Variants in ACVR1 observed in about 807,000 individuals in gnomAD.
The protein encoded by ACVR1 is activin A receptor type 1.
A neutral mutation model predicts 57.1 loss-of-function variants in ACVR1; 38 were observed. That is an observed-to-expected ratio of 0.67 (90% CI 0.51 to 0.87). The LOEUF is 0.87. ACVR1 is among the 40% of genes least tolerant of loss of function. The pLI is 0.00. For missense variants in ACVR1, 463 were observed against 638.2 expected (o/e 0.73, Z 2.96); for synonymous variants, 212 against 228.1 (o/e 0.93, Z 0.63).
chr2:157,778,337 A>T lies in ACVR1; in HGVS notation c.337T>A (p.Ser113Thr), dbSNP rs1303422236. 2 of 1,613,188 alleles carry T rather than the reference A, an allele frequency of 1.2e-6. No individual in the cohort carries two copies. The highest frequency in any genetic ancestry group is 1.7e-6 in the Non-Finnish European group (2 of 1,179,540). The change falls in exon 5 of 11, where the codon TCC (serine) becomes ACC (threonine). Residue 113 changes from serine (S) to threonine (T), a missense_variant. Ser to Thr is a moderately conservative substitution (Grantham distance 58). This residue lies in a region of ACVR1 where 203 missense variants were observed against 235.5 expected (regional missense o/e 0.86). Coordinates refer to ENST00000434821, the MANE Select transcript of ACVR1 (RefSeq NM_001111067.4). The part of the protein sequence containing the change: ...ITAQLPTKGK[S>T]FPGTQNFHLE... ...TGGAAATTCTGTGTTCCAGGGAAGG[A>T]TTTTCCTGGAGTTGGAGGGAAAAGG...
chr2:157,824,769 T>G (rs1688281558), intron 1 of ACVR1, among the ~76,000 whole-genome samples: 1 of 152,102 alleles, frequency 6.6e-6, no homozygotes, highest in South Asian at 2.1e-4. Context: ...CTTTTTTTTT[T>G]TTGAGACAGA....
chr2:157,750,918 G>C (rs1356729634), intron 9 of ACVR1, among the ~76,000 whole-genome samples: 1 of 151,946 alleles, frequency 6.6e-6, no homozygotes, highest in Non-Finnish European at 1.5e-5. Flanking sequence ...ATCAAACAGA[G>C]GTTGGGGAAA....
At chr2:157,860,644 A>G (rs1219197558) in intron 1 of ACVR1, among the ~76,000 whole-genome samples, 1 of 152,196 alleles carries the variant, frequency 6.6e-6, no homozygotes, top group African/African-American at 2.4e-5. Flanking sequence ...CTTATACACT[A>G]TTAAGGTTTC....
chr2:157,739,083 A>G (rs1459771744), intron 9 of ACVR1, among the ~76,000 whole-genome samples: 1 of 152,226 alleles, frequency 6.6e-6, no homozygotes, highest in South Asian at 2.1e-4. Context: ...TAAGAAAAAC[A>G]TTGCTATAAA....
At chr2:157,844,404 C>G (rs1351563942) in intron 1 of ACVR1, among the ~76,000 whole-genome samples, 1 of 152,050 alleles carries the variant, frequency 6.6e-6, no homozygotes, top group African/African-American at 2.4e-5. Flanking sequence ...CTTGGCTACT[C>G]CACCATCAGC....
intron 1 of ACVR1, among the ~76,000 whole-genome samples, chr2:157,834,057 G>C (rs1175414783): frequency 3.3e-5 from 5 of 152,126 alleles, no homozygotes; most frequent in African/African-American, 1.2e-4. Context: ...TTCATACAAA[G>C]GGCAGGTCAC....
intron 1 of ACVR1, among the ~76,000 whole-genome samples, chr2:157,865,307 T>C (rs918901446): frequency 6.6e-6 from 1 of 152,188 alleles, no homozygotes; most frequent in African/African-American, 2.4e-5. Flanking sequence ...GACAACAGGC[T>C]AGCATTTGAG....
rs114479659 is a variant in ACVR1 at position 157,795,796 on chromosome 2, G to A, written c.67+3631C>T. Among the ~76,000 whole-genome samples the A allele has an allele frequency of 3.3e-3, 492 of 149,372 alleles. 3 individuals are homozygous for A. Among genetic ancestry groups the A allele is most frequent in the Middle Eastern group, 0.011 (3 of 276 alleles). On this transcript the variant is annotated intron_variant, in intron 3 of 10. Transcript: ENST00000434821. The stretch of plus-strand genomic sequence containing the variant: ...ATTGCTCCATAACTGCCCTTTTTCC[G>A]CCCCACTCTTTTCCCCATTCTCTCT...
At chr2:157,757,684 G>A (rs1276100085) in intron 9 of ACVR1, among the ~76,000 whole-genome samples, 1 of 151,758 alleles carries the variant, frequency 6.6e-6, no homozygotes, top group Non-Finnish European at 1.5e-5. Flanking sequence ...GAAAAATAAG[G>A]TATTTCCCAG....
intron 9 of ACVR1, among the ~76,000 whole-genome samples, chr2:157,755,569 G>A (rs943686472): frequency 9.9e-5 from 13 of 130,960 alleles, no homozygotes; most frequent in African/African-American, 3.4e-4. Flanking sequence ...ATACCATACC[G>A]TACCATACAA....
chr2:157,853,907 CACTT>C, intron 1 of ACVR1, among the ~76,000 whole-genome samples: 1 of 152,216 alleles, frequency 6.6e-6, no homozygotes, highest in East Asian at 1.9e-4. Context: ...TTCAAGTCCT[CACTT>C]AATATCTTCC....
intron 1 of ACVR1, among the ~76,000 whole-genome samples, chr2:157,861,868 T>C (rs1866886): frequency 0.83 from 126,448 of 152,116 alleles, 55,078 homozygotes; most frequent in Non-Finnish European, 0.97. Context: ...AAATTAAAGC[T>C]AGTTACTTAA....
At chr2:157,820,607 T>A (rs1688130195) in intron 1 of ACVR1, among the ~76,000 whole-genome samples, 1 of 151,892 alleles carries the variant, frequency 6.6e-6, no homozygotes, top group African/African-American at 2.4e-5. Context: ...AAGGTGCTAC[T>A]AATTTGCCAT....
chr2:157,869,059 CTCAGCTTCCCCTTATTCCTG>C (rs1312428598), intron 1 of ACVR1, among the ~76,000 whole-genome samples: 12 of 152,234 alleles, frequency 7.9e-5, no homozygotes, highest in Admixed American at 2.0e-4. Context: ...TGTGTGTAAC[CTCAGCTTCCCCTTATTCCTG>C]AAAGTCAACA....
intron 1 of ACVR1, among the ~76,000 whole-genome samples, chr2:157,837,665 G>GA (rs537304846): frequency 5.0e-4 from 76 of 152,226 alleles, no homozygotes; most frequent in African/African-American, 1.8e-3. Context: ...AAGCAACCCA[G>GA]ACAAACAGGC....
At chr2:157,788,605 T>C (rs1686798882) in intron 3 of ACVR1, among the ~76,000 whole-genome samples, 1 of 152,204 alleles carries the variant, frequency 6.6e-6, no homozygotes, top group South Asian at 2.1e-4. Flanking sequence ...GCTATTGTTG[T>C]TAATCTCTTC....
At chr2:157,788,949 C>A (rs1686812126) in intron 3 of ACVR1, among the ~76,000 whole-genome samples, 1 of 152,164 alleles carries the variant, frequency 6.6e-6, no homozygotes, top group East Asian at 1.9e-4. Flanking sequence ...ATGTCTTCAA[C>A]CCCAGGAAGA....
intron 1 of ACVR1, among the ~76,000 whole-genome samples, chr2:157,843,806 A>G (rs1439118304): frequency 6.6e-6 from 1 of 152,214 alleles, no homozygotes; most frequent in Non-Finnish European, 1.5e-5. Context: ...ACTCTAAATG[A>G]AGATAACCAT....
chr2:157,756,411 C>T (rs777087513), intron 9 of ACVR1, among the ~76,000 whole-genome samples: 13 of 151,874 alleles, frequency 8.6e-5, no homozygotes, highest in African/African-American at 1.4e-4. Context: ...TCTATACATC[C>T]GACAAAGGAA....
Sources: gnomAD v4.1 joint callset for allele counts (sites outside exome capture counted in the v4.1 genomes callset) on GRCh38, gnomAD v4.1.1 for gene constraint, gnomAD v4.1.1 regional missense constraint, MANE v1.5 for transcripts, NCBI Gene and HGNC (gene_info 2026-07-23, HGNC 2026-07-21) for gene names.